BRAF: variants seen among roughly 807,000 people sequenced by gnomAD.
BRAF encodes the protein serine/threonine-protein kinase B-raf.
In BRAF, 16 loss-of-function variants were observed where a neutral mutation model predicts 104.6. The observed-to-expected ratio is 0.15, with a 90% CI of 0.10 to 0.23. The LOEUF is 0.23. Among genes scored for constraint, BRAF ranks in the 10% least tolerant of loss-of-function variants. The pLI, the probability that BRAF is intolerant of heterozygous loss-of-function variation, is 1.00. For missense variants in BRAF, 541 were observed against 937.3 expected, an observed-to-expected ratio of 0.58 and a Z score of 5.52; for synonymous variants, 310 against 341.6, an observed-to-expected ratio of 0.91 and a Z score of 1.02.
chr7:140,822,789 A>G (rs1295742188), intron 3 of BRAF, among the ~76,000 whole-genome samples: 1 of 152,218 alleles, frequency 6.6e-6, no homozygotes, highest in East Asian at 1.9e-4. Context: ...GTAAATACCG[A>G]GGAGTAGAAG....
chr7:140,775,503 C>T (rs1395126186), intron 14 of BRAF, among the ~76,000 whole-genome samples: 3 of 151,848 alleles, frequency 2.0e-5, no homozygotes, highest in Non-Finnish European at 2.9e-5. Flanking sequence ...TTGTGCCTGG[C>T]TCATTTTGTA....
chr7:140,891,193 A>G (rs1470453964), intron 1 of BRAF, among the ~76,000 whole-genome samples: 3 of 152,198 alleles, frequency 2.0e-5, no homozygotes, highest in Non-Finnish European at 4.4e-5. Context: ...AAACAAAAGT[A>G]CTTAGAGAAA....
intron 1 of BRAF, among the ~76,000 whole-genome samples, chr7:140,872,583 G>A (rs907331830): frequency 3.4e-4 from 52 of 152,154 alleles, no homozygotes; most frequent in Admixed American, 2.0e-4. Context: ...AGCTGGGCAT[G>A]GTGGCTTATG....
At chr7:140,735,179 G>C (rs2130873896) in intron 18 of BRAF, among the ~76,000 whole-genome samples, 1 of 152,286 alleles carries the variant, frequency 6.6e-6, no homozygotes, top group South Asian at 2.1e-4. Context: ...AGCACTTTAT[G>C]ACTATCTCTA....
chr7:140,922,684 C>T (rs1818355589), intron 1 of BRAF, among the ~76,000 whole-genome samples: 1 of 152,106 alleles, frequency 6.6e-6, no homozygotes, highest in East Asian at 1.9e-4. Context: ...AAGGCATATC[C>T]GATTCCTGGA....
intron 4 of BRAF, among the ~76,000 whole-genome samples, 189 bp downstream of exon 4, chr7:140,808,703 T>A (rs1562969956): frequency 6.6e-6 from 1 of 152,100 alleles, no homozygotes. Context: ...AACCCTACAG[T>A]CATATACAAT....
At chr7:140,905,008 C>T (rs1289055093) in intron 1 of BRAF, among the ~76,000 whole-genome samples, 1 of 152,000 alleles carries the variant, frequency 6.6e-6, no homozygotes, top group Non-Finnish European at 1.5e-5. Context: ...GAAAAAAATG[C>T]TTTTTTGGTT....
rs185870470 is a variant in BRAF at position 140,913,852 on chromosome 7, A to G, written c.138+10714T>C. ...TTCCTATAAATGGAACAGTCTTTCT[A>G]CTGTTATTAAGAAAGCTTACCTCTT... On this transcript the variant is annotated intron_variant, in intron 1 of 19. Transcript: ENST00000644969. 5.8e-4 allele frequency among the ~76,000 whole-genome samples: 89 copies of G among 152,322 alleles called. No homozygotes were observed. The East Asian group carries it at 0.011, about 19-fold the overall frequency.
chr7:140,829,760 G>A (rs1286412988), intron 3 of BRAF, among the ~76,000 whole-genome samples: 1 of 152,108 alleles, frequency 6.6e-6, no homozygotes, highest in East Asian at 1.9e-4. Context: ...GAATTATACA[G>A]CAAGTATCCA....
At chr7:140,755,865 T>G (rs1421343412) in intron 14 of BRAF, among the ~76,000 whole-genome samples, 1 of 151,694 alleles carries the variant, frequency 6.6e-6, no homozygotes, top group Admixed American at 6.6e-5. Flanking sequence ...AGACCTGGGA[T>G]CTAGTATACA....
At chr7:140,896,851 G>C (rs1176112744) in intron 1 of BRAF, among the ~76,000 whole-genome samples, 1 of 111,634 alleles carries the variant, frequency 9.0e-6, no homozygotes, top group Non-Finnish European at 1.7e-5. Context: ...GTGACAGAGC[G>C]AGACTCCATC....
At chr7:140,844,085 C>CGGG (rs1265694672) in intron 2 of BRAF, among the ~76,000 whole-genome samples, 7 of 151,852 alleles carry the variant, frequency 4.6e-5, no homozygotes, top group African/African-American at 1.7e-4. Flanking sequence ...GCAGTCTAAC[C>CGGG]CTAGCCAACA....
chr7:140,873,809 A>G (rs768155084), intron 1 of BRAF, among the ~76,000 whole-genome samples: 9 of 152,202 alleles, frequency 5.9e-5, no homozygotes, highest in African/African-American at 9.7e-5. Context: ...GTCAGGCAAC[A>G]TGGTGGCCTG....
chr7:140,850,093 T>A lies in BRAF; in HGVS notation c.240+18A>T, dbSNP rs368584855. ...TTTTTCTTTTCAAAATTACTAGATA[T>A]GATACTCAAAAGCTTACCTCCAGAT... On this transcript the variant is annotated intron_variant, in intron 2 of 19. Coordinates refer to ENST00000644969, the MANE Select transcript of BRAF (RefSeq NM_001374258.1). 1.0e-5 allele frequency: 16 copies of A among 1,533,920 alleles called. No individual in the cohort carries two copies. Among genetic ancestry groups the A allele is most frequent in the Non-Finnish European group, 1.4e-5 (16 of 1,110,336 alleles).
At chr7:140,886,078 G>C (rs1813535345) in intron 1 of BRAF, among the ~76,000 whole-genome samples, 1 of 152,090 alleles carries the variant, frequency 6.6e-6, no homozygotes, top group East Asian at 1.9e-4. Flanking sequence ...AACACCCATT[G>C]TTTCAGTTCC....
rs61337459 is a variant in BRAF, at chr7:140,772,272, TACAACAACAACAACA to T, written c.1814+4625_1814+4639del. On this transcript the variant is annotated intron_variant, in intron 14 of 19. Coordinates refer to ENST00000644969, the MANE Select transcript of BRAF (RefSeq NM_001374258.1). ...GCCTGATTAAAACAGATTGTTTAAC[TACAACAACAACAACA>T]ACAACAACAACAACAACAACAACAA... Among the ~76,000 whole-genome samples, 39 of 149,316 alleles carry T rather than the reference TACAACAACAACAACA, an allele frequency of 2.6e-4. 1 individual carries two copies. Among genetic ancestry groups the T allele is most frequent in the East Asian group, 2.0e-3 (10 of 5,010 alleles).
intron 14 of BRAF, 39 bp from the exon 14 acceptor site, chr7:140,754,272 A>C (rs1798023199): frequency 1.3e-6 from 2 of 1,592,282 alleles, no homozygotes; most frequent in Non-Finnish European, 1.7e-6. Flanking sequence ...AGTAGGGCTA[A>C]AGGACTCTGG....
At position 140,894,242 on chromosome 7, in the gene BRAF, A is replaced by C. The variant is rs116593096; in HGVS notation, c.138+30324T>G. Among the ~76,000 whole-genome samples the C allele has an allele frequency of 8.6e-3, 1,313 of 152,328 alleles. 15 individuals are homozygous for C. The highest frequency in any genetic ancestry group is 0.03 in the African/African-American group (1,239 of 41,580). Reference sequence around the variant, plus strand: ...GAAGGCCACGGTGGAAACAGAAAGAAATGGCTGAAGAAGAAAAAAGGAAGC... The same window carrying C: ...GAAGGCCACGGTGGAAACAGAAAGACATGGCTGAAGAAGAAAAAAGGAAGC... On this transcript the variant is annotated intron_variant, in intron 1 of 19. Coordinates refer to ENST00000644969, the MANE Select transcript of BRAF (RefSeq NM_001374258.1).
intron 3 of BRAF, among the ~76,000 whole-genome samples, chr7:140,811,278 C>A (rs530683404): frequency 6.6e-6 from 1 of 152,244 alleles, no homozygotes; most frequent in South Asian, 2.1e-4. Flanking sequence ...CAGTAGCATG[C>A]ATAGCTTTAT....
Sources: gnomAD v4.1 joint callset for allele counts (sites outside exome capture counted in the v4.1 genomes callset) on GRCh38, gnomAD v4.1.1 for gene constraint, MANE v1.5 for transcripts, NCBI Gene and HGNC (gene_info 2026-07-23, HGNC 2026-07-21) for gene names.